The following ANKH variants were observed in gnomAD, a reference collection of about 807,000 sequenced individuals.
The protein encoded by ANKH is mineralization regulator ANKH.
In ANKH, 15 loss-of-function variants were observed where a neutral mutation model predicts 49.0. The observed-to-expected ratio is 0.31, with a 90% CI of 0.20 to 0.47. ANKH has a LOEUF of 0.47. ANKH is among the 20% of genes least tolerant of loss of function. The pLI, the probability that ANKH is intolerant of heterozygous loss-of-function variation, is 1.00. For missense variants in ANKH, 429 were observed against 652.0 expected (o/e 0.66, Z 3.72); for synonymous variants, 273 against 260.0 (o/e 1.05, Z -0.48).
chr5:14,794,664 T>C (rs1333927805), intron 1 of ANKH, among the ~76,000 whole-genome samples: 3 of 152,248 alleles, frequency 2.0e-5, no homozygotes, highest in Non-Finnish European at 4.4e-5. Flanking sequence ...TGTTCAATTA[T>C]TTTTCCCACA....
intron 1 of ANKH, among the ~76,000 whole-genome samples, chr5:14,819,637 C>T (rs1439074763): frequency 2.6e-5 from 4 of 152,116 alleles, no homozygotes; most frequent in East Asian, 1.9e-4. Flanking sequence ...AGGCCAAGAA[C>T]GGCAGATCTC....
intron 1 of ANKH, among the ~76,000 whole-genome samples, chr5:14,787,374 C>T (rs1211268370): frequency 6.6e-6 from 1 of 151,942 alleles, no homozygotes; most frequent in Non-Finnish European, 1.5e-5. Flanking sequence ...AGTTGCAAGT[C>T]AAGCAATATA....
chr5:14,817,801 G>C (rs183197464), intron 1 of ANKH, among the ~76,000 whole-genome samples: 2 of 152,152 alleles, frequency 1.3e-5, no homozygotes, highest in Admixed American at 6.5e-5. Context: ...CACTATAAGA[G>C]AGGGTTAACA....
chr5:14,740,314 T>C (rs1738312869), intron 8 of ANKH, among the ~76,000 whole-genome samples: 1 of 152,240 alleles, frequency 6.6e-6, no homozygotes, highest in Admixed American at 6.5e-5. Context: ...TGCTCTGTTC[T>C]GCCTAAAATG....
chr5:14,738,072 C>T (rs1181316614), intron 8 of ANKH, among the ~76,000 whole-genome samples: 1 of 152,232 alleles, frequency 6.6e-6, no homozygotes. Flanking sequence ...CAGAAGACAT[C>T]TGCTGCTTTT....
intron 1 of ANKH, among the ~76,000 whole-genome samples, chr5:14,844,402 C>G (rs1481006617): frequency 6.6e-6 from 1 of 152,168 alleles, no homozygotes; most frequent in Non-Finnish European, 1.5e-5. Context: ...TGGCTACTGG[C>G]TCAAAAGAAG....
intron 8 of ANKH, among the ~76,000 whole-genome samples, chr5:14,738,375 G>A (rs1738250920): frequency 6.6e-6 from 1 of 152,142 alleles, no homozygotes; most frequent in Non-Finnish European, 1.5e-5. Flanking sequence ...TTGAATCACT[G>A]AGTCATTGGG....
At chr5:14,861,984 C>T (rs1379736685) in intron 1 of ANKH, among the ~76,000 whole-genome samples, 1 of 152,168 alleles carries the variant, frequency 6.6e-6, no homozygotes, top group Admixed American at 6.5e-5. Context: ...ACCTGTAATC[C>T]CAGCACTTTG....
intron 1 of ANKH, among the ~76,000 whole-genome samples, chr5:14,799,500 C>T (rs1740497430): frequency 6.6e-6 from 1 of 152,206 alleles, no homozygotes; most frequent in African/African-American, 2.4e-5. Flanking sequence ...AAAGGACAGG[C>T]TGATTCTCTT....
chr5:14,858,172 C>T (rs1369007626), intron 1 of ANKH, among the ~76,000 whole-genome samples: 1 of 151,950 alleles, frequency 6.6e-6, no homozygotes, highest in East Asian at 1.9e-4. Context: ...TTTTGGAGTA[C>T]AGGTGGTTTT....
intron 1 of ANKH, among the ~76,000 whole-genome samples, chr5:14,831,266 G>A (rs890132222): frequency 3.3e-5 from 5 of 152,088 alleles, no homozygotes; most frequent in Non-Finnish European, 7.4e-5. Flanking sequence ...TCCTATTGGA[G>A]GAATTCTATA....
rs1464495105 is a variant in ANKH, at chr5:14,870,768, AAAG to A, written c.96+581_96+583del. 1.7e-3 allele frequency: 270 copies of A among 156,156 alleles called. 2 individuals carry two copies. Among genetic ancestry groups the A allele is most frequent in the African/African-American group, 6.6e-3 (259 of 39,442 alleles). The allele number at this position is 156,156 out of a possible 1,614,324, so 9.7% of individuals were successfully genotyped here. A position where few individuals can be genotyped will look rare whatever the true frequency, so the allele number is the denominator to read the frequency against. The stretch of plus-strand genomic sequence containing the variant: ...TCTTTAGTGGTCCATGAAAAAAAAA[AAAG>A]AAAGAAAGAAAGAAAGAAAAAAAAA... On this transcript the variant is annotated intron_variant, in intron 1 of 11. Coordinates refer to ENST00000284268, the MANE Select transcript of ANKH (RefSeq NM_054027.6).
intron 1 of ANKH, among the ~76,000 whole-genome samples, chr5:14,787,947 G>T (rs1252615693): frequency 6.6e-6 from 1 of 152,222 alleles, no homozygotes; most frequent in Non-Finnish European, 1.5e-5. Context: ...TTTCCTATTA[G>T]TGCTGGTTTA....
intron 2 of ANKH, among the ~76,000 whole-genome samples, chr5:14,761,202 C>T (rs1437054224): frequency 6.6e-6 from 1 of 152,146 alleles, no homozygotes; most frequent in Non-Finnish European, 1.5e-5. Flanking sequence ...CAGAAGGAAC[C>T]GCCCCTGCAA....
At position 14,852,739 on chromosome 5, in the gene ANKH, G is replaced by A. The variant is rs115236935; in HGVS notation, c.96+18613C>T. ...TTACAGGCACAACTTTCTATTGCCCGTCCCCCAAAAATGTCTTTCACGTGC... is the reference window on the plus strand; with the variant it reads ...TTACAGGCACAACTTTCTATTGCCCATCCCCCAAAAATGTCTTTCACGTGC... On this transcript the variant is annotated intron_variant, in intron 1 of 11. Transcript: ENST00000284268. Among the ~76,000 whole-genome samples, 959 of 152,068 alleles carry A rather than the reference G, an allele frequency of 6.3e-3. 10 individuals carry two copies. The highest frequency in any genetic ancestry group is 0.022 in the African/African-American group (907 of 41,450).
At position 14,709,864 on chromosome 5, in the gene ANKH, A is replaced by T. The variant is rs1025838224; in HGVS notation, c.*1333T>A. On this transcript the variant is annotated 3_prime_UTR_variant, in exon 12 of 12. Transcript: ENST00000284268. ...AAAATGCGAAAATAGGAAATGTATTATAGCCTAAAATAAATTACATAACAT... is the reference window on the plus strand; with the variant it reads ...AAAATGCGAAAATAGGAAATGTATTTTAGCCTAAAATAAATTACATAACAT... 1 of 152,690 alleles carries T rather than the reference A, an allele frequency of 6.5e-6. No homozygotes were observed. The highest frequency in any genetic ancestry group is 2.4e-5 in the African/African-American group (1 of 41,474). 9.5% of individuals were successfully genotyped at this position (152,690 alleles called of 1,614,324 possible).
chr5:14,775,607 C>T (rs757853778), intron 1 of ANKH, among the ~76,000 whole-genome samples: 19 of 152,182 alleles, frequency 1.2e-4, no homozygotes, highest in African/African-American at 1.9e-4. Context: ...AAAGAGGTGA[C>T]GTTTGAGCTG....
At chr5:14,835,991 A>G (rs1175633813) in intron 1 of ANKH, among the ~76,000 whole-genome samples, 3 of 152,216 alleles carry the variant, frequency 2.0e-5, no homozygotes, top group Non-Finnish European at 4.4e-5. Context: ...GTAATCCATC[A>G]CATAAACAGA....
chr5:14,843,252 T>C (rs1056485595), intron 1 of ANKH, among the ~76,000 whole-genome samples: 2 of 150,942 alleles, frequency 1.3e-5, no homozygotes, highest in African/African-American at 4.9e-5. Context: ...TTTGGCTCAC[T>C]GCAACCTCCG....
Sources: allele counts gnomAD v4.1 joint callset (sites outside exome capture counted in the v4.1 genomes callset), GRCh38; gene constraint gnomAD v4.1.1; transcripts MANE v1.5; gene names NCBI Gene and HGNC (gene_info 2026-07-23, HGNC 2026-07-21).